The following MTFR1 variants were observed in gnomAD, a reference collection of about 807,000 sequenced individuals.
MTFR1 encodes the protein mitochondrial fission regulator 1.
A neutral mutation model predicts 38.8 loss-of-function variants in MTFR1; 28 were observed. That is an observed-to-expected ratio of 0.72 (90% CI 0.53 to 0.99). MTFR1 has a LOEUF of 0.99. Ranked by LOEUF, MTFR1 falls within the 50% of genes least tolerant of loss-of-function variation. The probability of loss-of-function intolerance (pLI) is 0.00; values close to 1 mark genes in which losing one functional copy is unlikely to be tolerated. For synonymous variants in MTFR1, 145 were observed against 137.0 expected (o/e 1.06, Z -0.41); for missense variants, 358 against 395.5 (o/e 0.91, Z 0.81).
chr8:65,740,221 C>T (rs950590581), intron 3 of MTFR1, among the ~76,000 whole-genome samples: 3 of 152,086 alleles, frequency 2.0e-5, no homozygotes, highest in African/African-American at 4.8e-5. Flanking sequence ...GCTACAAACT[C>T]GTAGTCAACA....
chr8:65,651,892 G>A (rs1178154651), intron 1 of MTFR1, among the ~76,000 whole-genome samples: 1 of 151,852 alleles, frequency 6.6e-6, no homozygotes, highest in Non-Finnish European at 1.5e-5. Context: ...GGGTGGTATG[G>A]ACCTTTTAAC....
At chr8:65,654,867 G>C (rs1406152053) in intron 1 of MTFR1, among the ~76,000 whole-genome samples, 1 of 152,018 alleles carries the variant, frequency 6.6e-6, no homozygotes, top group Non-Finnish European at 1.5e-5. Context: ...GTGAGCCACC[G>C]TGCCTGGCCT....
chr8:65,667,046 G>A (rs891856726), intron 1 of MTFR1, among the ~76,000 whole-genome samples: 1 of 152,184 alleles, frequency 6.6e-6, no homozygotes, highest in Non-Finnish European at 1.5e-5. Flanking sequence ...GGCTGAGGTG[G>A]TGGATCGCCT....
At chr8:65,738,223 CTTCA>C (rs1206652555) in intron 3 of MTFR1, among the ~76,000 whole-genome samples, 5 of 152,030 alleles carry the variant, frequency 3.3e-5, no homozygotes, top group Non-Finnish European at 5.9e-5. Flanking sequence ...TTATGTGAAC[CTTCA>C]TTAAGTTGTA....
At chr8:65,652,978 C>A (rs1428468395) in intron 1 of MTFR1, among the ~76,000 whole-genome samples, 2 of 152,126 alleles carry the variant, frequency 1.3e-5, no homozygotes, top group East Asian at 1.9e-4. Flanking sequence ...TACTGAAGGA[C>A]AAGTGTATAA....
chr8:65,665,176 G>A (rs535358634), intron 1 of MTFR1, among the ~76,000 whole-genome samples: 7 of 151,458 alleles, frequency 4.6e-5, no homozygotes, highest in Admixed American at 2.0e-4. Context: ...CTCATAATCC[G>A]CCCACCTCAG....
intron 2 of MTFR1, among the ~76,000 whole-genome samples, chr8:65,674,299 TTA>T (rs1300711395): frequency 6.6e-6 from 1 of 152,160 alleles, no homozygotes; most frequent in Middle Eastern, 3.4e-3. Context: ...ATCCTTTATT[TTA>T]TCTTTTTTTT....
In MTFR1 at chr8:65,720,483, T is replaced by A. The variant is rs192359051; in HGVS notation, c.*48+1002T>A. On this transcript the variant is annotated intron_variant, in intron 3 of 3. Transcript: ENST00000521247. ...TCCAACATAAGAATCTCACCAGAAT[T>A]AAAGCAACCAGCATCCACTACTTTT... 5.8e-5 allele frequency: 9 copies of A among 154,284 alleles called. No homozygotes were observed. The East Asian group carries it at 1.7e-3, about 30-fold the overall frequency. 9.6% of individuals were successfully genotyped at this position (154,284 alleles called of 1,614,324 possible).
intron 3 of MTFR1, among the ~76,000 whole-genome samples, chr8:65,736,794 T>TG (rs1414309293): frequency 1.3e-5 from 2 of 150,862 alleles, no homozygotes; most frequent in African/African-American, 2.4e-5. Flanking sequence ...TTATCTGTTT[T>TG]TTTTTTTTTT....
intron 3 of MTFR1, chr8:65,724,153 C>A: frequency 1.5e-6 from 1 of 668,464 alleles, no homozygotes; most frequent in Non-Finnish European, 2.6e-6. Context: ...AATGTCAAGA[C>A]TCTACTGCTA....
chr8:65,769,922 A>C (rs1342257508), intron 3 of MTFR1, among the ~76,000 whole-genome samples: 1 of 152,012 alleles, frequency 6.6e-6, no homozygotes, highest in Non-Finnish European at 1.5e-5. Flanking sequence ...AAACAGAAAA[A>C]CCCCACAAAT....
chr8:65,668,455 T>A (rs1359892735), intron 1 of MTFR1, among the ~76,000 whole-genome samples: 2 of 150,924 alleles, frequency 1.3e-5, no homozygotes, highest in Non-Finnish European at 1.5e-5. Flanking sequence ...CCCAAAATGC[T>A]GGGATTACAG....
At position 65,707,238 on chromosome 8, in the gene MTFR1, A is replaced by C; in HGVS notation, c.746A>C (p.Lys249Thr). 6.2e-7 allele frequency: 1 copy of C among 1,614,038 alleles called. No homozygotes were observed. The highest frequency in any genetic ancestry group is 1.1e-5 in the South Asian group (1 of 91,062). ...LEILKEMNSV[K>T]LRSVKRSEQD... ...ATCCTTAAAGAGATGAACAGTGTAA[A>C]ACTTCGGTCAGTGAAGAGGTGAGGA... Residue 249 changes from lysine (K) to threonine (T), a missense_variant, in exon 6 of 8, where the codon AAA becomes ACA. Transcript: ENST00000262146.
intron 3 of MTFR1, among the ~76,000 whole-genome samples, chr8:65,767,170 T>C (rs1044483410): frequency 6.6e-6 from 1 of 152,230 alleles, no homozygotes; most frequent in South Asian, 2.1e-4. Flanking sequence ...CAGGATTGCA[T>C]GCACAGCTTT....
intron 1 of MTFR1, among the ~76,000 whole-genome samples, chr8:65,666,841 T>C: frequency 6.6e-6 from 1 of 152,156 alleles, no homozygotes; most frequent in South Asian, 2.1e-4. Flanking sequence ...AATTCAAATA[T>C]ATATCAAAAG....
At chr8:65,724,168 C>A in intron 3 of MTFR1, 3 of 775,394 alleles carry the variant, frequency 3.9e-6, no homozygotes, top group Non-Finnish European at 4.5e-6. Context: ...CTGCTAGACC[C>A]ATATAAATTA....
chr8:65,749,687 CAT>C (rs1028914069), intron 3 of MTFR1, among the ~76,000 whole-genome samples: 1 of 152,206 alleles, frequency 6.6e-6, no homozygotes, highest in African/African-American at 2.4e-5. Context: ...CCACTTTACA[CAT>C]GAGAACACTG....
chr8:65,707,313 A>G, intron 6 of MTFR1, 57 bp downstream of exon 6: 1 of 1,547,154 alleles, frequency 6.5e-7, no homozygotes, highest in South Asian at 1.2e-5. Context: ...AAACCAAAGT[A>G]CCAGGCTTCT....
At chr8:65,740,707 C>T (rs1328259149) in intron 3 of MTFR1, among the ~76,000 whole-genome samples, 1 of 152,118 alleles carries the variant, frequency 6.6e-6, no homozygotes, top group Non-Finnish European at 1.5e-5. Context: ...GGCCAAGTTT[C>T]CCTTTCTTTC....
Sources: gnomAD v4.1 joint callset for allele counts (sites outside exome capture counted in the v4.1 genomes callset) on GRCh38, gnomAD v4.1.1 for gene constraint, MANE v1.5 for transcripts, NCBI Gene and HGNC (gene_info 2026-07-23, HGNC 2026-07-21) for gene names.